UNC13C: variants seen among roughly 807,000 people sequenced by gnomAD.
UNC13C encodes unc-13 homolog C, also known as protein unc-13 homolog C.
Under a neutral mutation model 245.4 loss-of-function variants are expected in UNC13C, and 174 were observed. The observed-to-expected ratio is 0.71, with a 90% CI of 0.63 to 0.80. UNC13C has a LOEUF of 0.80. Among genes scored for constraint, UNC13C ranks in the 30% least tolerant of loss-of-function variants. The probability of loss-of-function intolerance (pLI) is 0.00; values close to 1 mark genes in which losing one functional copy is unlikely to be tolerated. For missense variants in UNC13C, 2,829 were observed against 2,602.9 expected (o/e 1.09, Z -1.89); for synonymous variants, 992 against 895.1 (o/e 1.11, Z -1.93).
intron 20 of UNC13C, among the ~76,000 whole-genome samples, chr15:54,497,750 G>A (rs1362530809): frequency 6.6e-6 from 1 of 152,024 alleles, no homozygotes; most frequent in Non-Finnish European, 1.5e-5. Context: ...GCATAGATTA[G>A]TTTTATAGAT....
At chr15:54,061,738 C>T (rs1195738672) in intron 2 of UNC13C, among the ~76,000 whole-genome samples, 2 of 152,130 alleles carry the variant, frequency 1.3e-5, no homozygotes, top group African/African-American at 4.8e-5. Context: ...GAGCAGTGAG[C>T]TTCCTCACTG....
At chr15:54,087,128 T>G (rs1365364328) in intron 2 of UNC13C, among the ~76,000 whole-genome samples, 4 of 152,160 alleles carry the variant, frequency 2.6e-5, no homozygotes, top group Non-Finnish European at 4.4e-5. Context: ...GATTTAGATG[T>G]GTCATTCACC....
At chr15:53,970,013 C>T in the UNC13C span, among the ~76,000 whole-genome samples, 5 of 150,972 alleles carry the variant, frequency 3.3e-5, no homozygotes, top group East Asian at 5.8e-4. Flanking sequence ...GCATAATGTG[C>T]TCACAGTTCA....
At chr15:54,110,561 A>C (rs1351336005) in intron 2 of UNC13C, among the ~76,000 whole-genome samples, 5 of 152,234 alleles carry the variant, frequency 3.3e-5, no homozygotes, top group Non-Finnish European at 7.3e-5. Flanking sequence ...GTTGGTTTCA[A>C]AATGATTAAA....
chr15:54,440,917 C>T (rs938658949), intron 19 of UNC13C, among the ~76,000 whole-genome samples: 5 of 151,976 alleles, frequency 3.3e-5, no homozygotes, highest in Non-Finnish European at 5.9e-5. Flanking sequence ...TTAGTGATGT[C>T]GAGCATTTTT....
chr15:54,121,034 C>T (rs142345878), intron 2 of UNC13C, among the ~76,000 whole-genome samples: 272 of 152,190 alleles, frequency 1.8e-3, no homozygotes, highest in African/African-American at 5.9e-3. Flanking sequence ...AATATTACTA[C>T]GTAAATTTAG....
chr15:54,074,389 A>T (rs939718110), intron 2 of UNC13C, among the ~76,000 whole-genome samples: 8 of 152,196 alleles, frequency 5.3e-5, no homozygotes, highest in Admixed American at 5.2e-4. Context: ...TGAAATTTAA[A>T]GTAGTTTTTT....
rs757769844 is a variant in UNC13C at position 54,525,624 on chromosome 15, A to G, written c.5533A>G (p.Thr1845Ala). ...LSGVLDELSV[T>A]YGESFQVIIE... ...TGGGGTCCTGGATGAGCTCAGCGTC[A>G]CTTATGGTGAAAGGTAAGTGGCCTC... is the stretch of plus-strand genomic sequence containing the variant. Residue 1845 changes from threonine (T) to alanine (A), a missense_variant, in exon 25 of 33, where the codon ACT (threonine) becomes GCT (alanine). Coordinates refer to ENST00000260323, the MANE Select transcript of UNC13C (RefSeq NM_001080534.3). The G allele has an allele frequency of 6.2e-6, 10 of 1,612,028 alleles. No individual in the cohort carries two copies. In the East Asian group the frequency reaches 2.2e-4, roughly 36 times the overall value.
the UNC13C span, among the ~76,000 whole-genome samples, chr15:53,924,909 A>C: frequency 6.6e-6 from 1 of 151,354 alleles, no homozygotes; most frequent in Non-Finnish European, 1.5e-5. Context: ...TTTATAAACT[A>C]TGTGTTTAGG....
At chr15:54,001,699 A>T (rs1894895654) in intron 1 of UNC13C, among the ~76,000 whole-genome samples, 2 of 152,216 alleles carry the variant, frequency 1.3e-5, no homozygotes, top group African/African-American at 4.8e-5. Flanking sequence ...TAGCAATATG[A>T]GGAAGGTGGT....
intron 14 of UNC13C, among the ~76,000 whole-genome samples, chr15:54,331,070 A>G (rs1266499827): frequency 6.6e-6 from 1 of 152,092 alleles, no homozygotes; most frequent in Non-Finnish European, 1.5e-5. Flanking sequence ...TTCGAGGCAT[A>G]AGAGTTATAT....
At chr15:53,945,743 C>T in the UNC13C span, among the ~76,000 whole-genome samples, 2 of 151,850 alleles carry the variant, frequency 1.3e-5, no homozygotes, top group African/African-American at 4.8e-5. Flanking sequence ...TTTTTGGTTC[C>T]ATATGAATTT....
intron 2 of UNC13C, among the ~76,000 whole-genome samples, chr15:54,032,497 AT>A (rs1896399773): frequency 6.6e-6 from 1 of 152,168 alleles, no homozygotes; most frequent in African/African-American, 2.4e-5. Flanking sequence ...GTCATAATCT[AT>A]TTAGCACAAG....
At chr15:54,008,783 A>G (rs954431299) in intron 1 of UNC13C, among the ~76,000 whole-genome samples, 33 of 152,210 alleles carry the variant, frequency 2.2e-4, no homozygotes, top group Admixed American at 2.0e-3. Context: ...CACTGGTAAC[A>G]TTCACTTTAC....
At chr15:54,320,810 T>C in intron 13 of UNC13C, 1 of 326,414 alleles carries the variant, frequency 3.1e-6, no homozygotes, top group Non-Finnish European at 6.0e-6. Flanking sequence ...AGTATTGGCC[T>C]CCATGACCAC....
At chr15:53,978,950 C>A (rs977915971) in intron 1 of UNC13C, among the ~76,000 whole-genome samples, 23 bp downstream of exon 1, 1 of 152,152 alleles carries the variant, frequency 6.6e-6, no homozygotes, top group Non-Finnish European at 1.5e-5. Flanking sequence ...CTCCGTTGCA[C>A]GCACTGCTTC....
intron 30 of UNC13C, among the ~76,000 whole-genome samples, chr15:54,606,762 T>G (rs1028046579): frequency 1.3e-5 from 2 of 152,230 alleles, no homozygotes; most frequent in Non-Finnish European, 2.9e-5. Context: ...CATCTGACCC[T>G]ACAGCCTGTG....
In UNC13C at chr15:54,522,208, C is replaced by T. The variant is rs530341689; in HGVS notation, c.5458-3341C>T. Among the ~76,000 whole-genome samples the T allele has an allele frequency of 1.1e-3, 165 of 151,986 alleles. 1 individual carries two copies. The highest frequency in any genetic ancestry group is 8.5e-4 in the Admixed American group (13 of 15,268). The stretch of plus-strand genomic sequence containing the variant: ...CTTTCTGGCCAGGCGCGGTGGCTCA[C>T]GCCTGTAATCCCAGCACTTTGGGAG... On this transcript the variant is annotated intron_variant, in intron 24 of 32. Transcript: ENST00000260323.
chr15:54,108,351 T>C (rs547074220), intron 2 of UNC13C, among the ~76,000 whole-genome samples: 48 of 152,252 alleles, frequency 3.2e-4, no homozygotes, highest in African/African-American at 1.1e-3. Context: ...CACGCCTGGC[T>C]AATTTTTTTG....
Sources: gnomAD v4.1 joint callset for allele counts (sites outside exome capture counted in the v4.1 genomes callset) on GRCh38, gnomAD v4.1.1 for gene constraint, MANE v1.5 for transcripts, NCBI Gene and HGNC (gene_info 2026-07-23, HGNC 2026-07-21) for gene names.